UBE4B: variants seen among roughly 807,000 people sequenced by gnomAD.
The protein encoded by UBE4B is ubiquitination factor E4B.
Under a neutral mutation model 148.1 loss-of-function variants are expected in UBE4B, and 27 were observed. That is an observed-to-expected ratio of 0.18 (90% CI 0.13 to 0.25). The LOEUF is 0.25. Ranked by LOEUF, UBE4B falls within the 10% of genes least tolerant of loss-of-function variation. UBE4B has a pLI of 1.00. For missense variants in UBE4B, 1,170 were observed against 1,662.4 expected, an observed-to-expected ratio of 0.70 and a Z score of 5.15; for synonymous variants, 596 against 619.3, an observed-to-expected ratio of 0.96 and a Z score of 0.56.
At chr1:10,153,933 T>C (rs549993927) in intron 21 of UBE4B, among the ~76,000 whole-genome samples, 23 of 152,198 alleles carry the variant, frequency 1.5e-4, no homozygotes, top group African/African-American at 4.8e-4. Flanking sequence ...AAATACAAAA[T>C]TAGCCTGGCA....
At chr1:10,137,984 G>C (rs1337904693) in intron 17 of UBE4B, among the ~76,000 whole-genome samples, 4 of 137,826 alleles carry the variant, frequency 2.9e-5, no homozygotes, top group Non-Finnish European at 6.1e-5. Flanking sequence ...GCCCAGGCTG[G>C]AGTGCAGTGG....
rs201844344 is a variant in UBE4B, at chr1:10,171,205, G to A, written c.3401G>A (p.Arg1134His). The A allele has an allele frequency of 9.3e-6, 15 of 1,614,156 alleles. No homozygotes were observed. Among genetic ancestry groups the A allele is most frequent in the East Asian group, 4.5e-5 (2 of 44,886 alleles). Residue 1134 changes from arginine (R) to histidine (H), a missense_variant, in exon 25 of 28, where the codon CGT (arginine) becomes CAT (histidine). By Grantham distance (29) the Arg-to-His change is conservative. This residue lies in a region of UBE4B where 348 missense variants were observed against 627.2 expected (regional missense o/e 0.55). Coordinates refer to ENST00000343090, the MANE Select transcript of UBE4B (RefSeq NM_001105562.3). ...NLQQLCGPKC[R>H]DLKVENPEKY... ...CAGCAACTTTGTGGCCCCAAGTGCC[G>A]TGACCTGAAAGTTGAAAACCCTGAG...
chr1:10,080,636 A>G (rs1644663259), intron 2 of UBE4B, among the ~76,000 whole-genome samples: 1 of 152,200 alleles, frequency 6.6e-6, no homozygotes, highest in African/African-American at 2.4e-5. Flanking sequence ...TATTCCAAAT[A>G]GCCAAGATAT....
chr1:10,069,791 C>A (rs141383181), intron 1 of UBE4B, among the ~76,000 whole-genome samples: 2 of 152,232 alleles, frequency 1.3e-5, no homozygotes, highest in East Asian at 3.9e-4. Context: ...GCCTCGGACT[C>A]CCCTCGGCCG....
chr1:10,114,477 T>A (rs1331382648), intron 7 of UBE4B, among the ~76,000 whole-genome samples: 1 of 152,206 alleles, frequency 6.6e-6, no homozygotes, highest in Non-Finnish European at 1.5e-5. Context: ...TGTGCTTTAT[T>A]ACAGTACTCA....
At chr1:10,173,270 A>AGTTT (rs1646364199) in intron 25 of UBE4B, among the ~76,000 whole-genome samples, 1 of 152,076 alleles carries the variant, frequency 6.6e-6, no homozygotes, top group African/African-American at 2.4e-5. Flanking sequence ...CAAGGTCAGG[A>AGTTT]GATCACGACC....
chr1:10,169,771 T>TTG (rs1463476577), intron 24 of UBE4B, among the ~76,000 whole-genome samples: 1 of 152,200 alleles, frequency 6.6e-6, no homozygotes, highest in Non-Finnish European at 1.5e-5. Flanking sequence ...TCCCAGCACT[T>TTG]TGAGAGGCCA....
chr1:10,101,155 A>G lies in UBE4B; in HGVS notation c.395A>G (p.Asp132Gly). The G allele has an allele frequency of 6.2e-7, 1 of 1,614,180 alleles. No homozygotes were observed. The highest frequency in any genetic ancestry group is 8.5e-7 in the Non-Finnish European group (1 of 1,180,014). ...TCAGGAATTGAAAACATGGAGGTTGATGAAAATGATCGAAGAGAAAAGCGG... is the reference window on the plus strand; with the variant it reads ...TCAGGAATTGAAAACATGGAGGTTGGTGAAAATGATCGAAGAGAAAAGCGG... ...VDSGIENMEV[D>G]ENDRREKRSL... The change falls in exon 4 of 28, where the codon GAT becomes GGT. Residue 132 changes from aspartate (D) to glycine (G), a missense_variant. Around this residue, in one of 6 missense-constraint regions of UBE4B, gnomAD observed 91 missense variants for 120.5 expected, o/e 0.76. Coordinates refer to ENST00000343090, the MANE Select transcript of UBE4B (RefSeq NM_001105562.3).
intron 25 of UBE4B, among the ~76,000 whole-genome samples, chr1:10,173,280 C>T (rs1239935217): frequency 6.6e-6 from 1 of 151,976 alleles, no homozygotes; most frequent in East Asian, 1.9e-4. Flanking sequence ...AGATCACGAC[C>T]ATCCTGGCTA....
intron 12 of UBE4B, among the ~76,000 whole-genome samples, chr1:10,130,014 C>T (rs530836049): frequency 1.3e-5 from 2 of 151,954 alleles, no homozygotes; most frequent in Admixed American, 6.6e-5. Context: ...AAAAGTTATT[C>T]GAGTCCTTTG....
intron 1 of UBE4B, among the ~76,000 whole-genome samples, chr1:10,055,921 A>AAAAAC (rs577766523): frequency 3.3e-5 from 5 of 151,802 alleles, no homozygotes; most frequent in East Asian, 3.9e-4. Flanking sequence ...TCTGTCTCAA[A>AAAAAC]AAAACAAAAC....
intron 2 of UBE4B, among the ~76,000 whole-genome samples, chr1:10,083,303 A>G (rs758908464): frequency 2.0e-5 from 3 of 152,146 alleles, no homozygotes; most frequent in Non-Finnish European, 2.9e-5. Context: ...AACAGATGCA[A>G]AGGTCCTGGG....
At chr1:10,048,304 A>G (rs987925609) in intron 1 of UBE4B, among the ~76,000 whole-genome samples, 1 of 152,180 alleles carries the variant, frequency 6.6e-6, no homozygotes, top group African/African-American at 2.4e-5. Flanking sequence ...TGAACATATT[A>G]TGAATATGCT....
chr1:10,148,625 C>T (rs933240360), intron 19 of UBE4B, among the ~76,000 whole-genome samples: 3 of 142,888 alleles, frequency 2.1e-5, no homozygotes, highest in Non-Finnish European at 4.5e-5. Flanking sequence ...GGGTGAGACT[C>T]TGTCTCAAAA....
At chr1:10,140,085 G>A (rs937532103) in intron 17 of UBE4B, among the ~76,000 whole-genome samples, 7 of 151,966 alleles carry the variant, frequency 4.6e-5, no homozygotes, top group African/African-American at 1.2e-4. Flanking sequence ...CAACCCTTTC[G>A]CTTATGTGTA....
chr1:10,144,055 TAGAA>T (rs1645826293), intron 17 of UBE4B, among the ~76,000 whole-genome samples: 1 of 152,122 alleles, frequency 6.6e-6, no homozygotes, highest in African/African-American at 2.4e-5. Context: ...AACATCATGA[TAGAA>T]AGGGGTTGAA....
intron 19 of UBE4B, 21 bp from the exon 20 acceptor site, chr1:10,149,163 T>C: frequency 6.6e-7 from 1 of 1,524,654 alleles, no homozygotes; most frequent in Non-Finnish European, 8.9e-7. Flanking sequence ...TAATAAATTG[T>C]CCTTTTTTTC....
chr1:10,102,434 A>G (rs1274706058), intron 4 of UBE4B, among the ~76,000 whole-genome samples: 1 of 85,344 alleles, frequency 1.2e-5, no homozygotes, highest in Non-Finnish European at 2.1e-5. Flanking sequence ...TTTTTGAGAC[A>G]GGGCCTCACT....
intron 14 of UBE4B, 77 bp downstream of exon 14, chr1:10,130,890 G>A: frequency 7.6e-6 from 10 of 1,311,654 alleles, no homozygotes; most frequent in East Asian, 2.3e-5. Flanking sequence ...TTGTAGACTG[G>A]ACTATGCCCA....
Sources: gnomAD v4.1 joint callset for allele counts (sites outside exome capture counted in the v4.1 genomes callset) on GRCh38, gnomAD v4.1.1 for gene constraint, gnomAD v4.1.1 regional missense constraint, MANE v1.5 for transcripts, NCBI Gene and HGNC (gene_info 2026-07-23, HGNC 2026-07-21) for gene names.